PHACTR3: variants seen among roughly 807,000 people sequenced by gnomAD.
The protein encoded by PHACTR3 is phosphatase and actin regulator 3.
Under a neutral mutation model 66.8 loss-of-function variants are expected in PHACTR3, and 16 were observed. The observed-to-expected ratio is 0.24, with a 90% CI of 0.16 to 0.36. PHACTR3 has a LOEUF of 0.36. PHACTR3 is among the 10% of genes least tolerant of loss of function. PHACTR3 has a pLI of 1.00. For synonymous variants in PHACTR3, 323 were observed against 292.1 expected, an observed-to-expected ratio of 1.11 and a Z score of -1.08; for missense variants, 647 against 719.9, an observed-to-expected ratio of 0.90 and a Z score of 1.16.
At chr20:59,808,758 C>A (rs1235800442) in intron 8 of PHACTR3, among the ~76,000 whole-genome samples, 1 of 152,198 alleles carries the variant, frequency 6.6e-6, no homozygotes, top group Non-Finnish European at 1.5e-5. Flanking sequence ...GCTTCTAGGG[C>A]TGCCGACACT....
At chr20:59,765,750 A>G (rs1484034943) in intron 4 of PHACTR3, among the ~76,000 whole-genome samples, 1 of 152,192 alleles carries the variant, frequency 6.6e-6, no homozygotes, top group Non-Finnish European at 1.5e-5. Flanking sequence ...TTTCAGCACC[A>G]TGGACAGCAC....
At chr20:59,801,098 G>C (rs184132917) in intron 7 of PHACTR3, among the ~76,000 whole-genome samples, 2 of 152,258 alleles carry the variant, frequency 1.3e-5, no homozygotes, top group African/African-American at 4.8e-5. Flanking sequence ...GCAGATCTTT[G>C]GATCTTCTTA....
intron 1 of PHACTR3, among the ~76,000 whole-genome samples, chr20:59,590,619 G>A (rs2033154704): frequency 6.6e-6 from 1 of 152,200 alleles, no homozygotes; most frequent in Non-Finnish European, 1.5e-5. Flanking sequence ...CCTGCTCCCT[G>A]GATCTGTGGC....
chr20:59,627,591 G>C (rs1305637264), intron 1 of PHACTR3, among the ~76,000 whole-genome samples: 1 of 152,150 alleles, frequency 6.6e-6, no homozygotes, highest in Non-Finnish European at 1.5e-5. Context: ...CAGATCCCCA[G>C]GTGGAAATTG....
At chr20:59,661,555 C>T (rs1403069997) in intron 1 of PHACTR3, among the ~76,000 whole-genome samples, 1 of 152,162 alleles carries the variant, frequency 6.6e-6, no homozygotes, top group Non-Finnish European at 1.5e-5. Flanking sequence ...GGACAGGACC[C>T]CCTTTTTAGG....
chr20:59,710,864 G>A (rs2146644697), intron 1 of PHACTR3, among the ~76,000 whole-genome samples: 1 of 152,044 alleles, frequency 6.6e-6, no homozygotes, highest in South Asian at 2.1e-4. Flanking sequence ...TCAAGGTCTG[G>A]TTCAAATGCT....
chr20:59,783,303 G>A (rs1332478417), intron 7 of PHACTR3, among the ~76,000 whole-genome samples: 1 of 152,190 alleles, frequency 6.6e-6, no homozygotes, highest in East Asian at 1.9e-4. Flanking sequence ...GGACGACCTG[G>A]TGGGCGTCTT....
intron 1 of PHACTR3, among the ~76,000 whole-genome samples, chr20:59,638,445 G>A (rs1008730645): frequency 2.0e-5 from 3 of 151,444 alleles, no homozygotes; most frequent in African/African-American, 7.3e-5. Flanking sequence ...TGGCTAAGTA[G>A]ATATATGAGT....
intron 10 of PHACTR3, 85 bp downstream of exon 10, chr20:59,840,515 G>A: frequency 6.4e-7 from 1 of 1,569,822 alleles, no homozygotes; most frequent in African/African-American, 1.4e-5. Context: ...GGTAATGCTA[G>A]GTATCACTCT....
chr20:59,819,689 C>G (rs2041979295), intron 8 of PHACTR3, among the ~76,000 whole-genome samples: 1 of 151,916 alleles, frequency 6.6e-6, no homozygotes, highest in African/African-American at 2.4e-5. Flanking sequence ...AACTGAGGCA[C>G]CTGGTTGGGC....
chr20:59,755,344 C>G lies in PHACTR3; in HGVS notation c.521C>G (p.Ala174Gly). The G allele has an allele frequency of 6.2e-7, 1 of 1,613,644 alleles. No homozygotes were observed. Among genetic ancestry groups the G allele is most frequent in the South Asian group, 1.1e-5 (1 of 91,078 alleles). Residue 174 changes from alanine (A) to glycine (G), a missense_variant, in exon 4 of 13, where the codon GCT becomes GGT. Around this residue, in one of 2 missense-constraint regions of PHACTR3, gnomAD observed 577 missense variants for 571.1 expected, o/e 1.01. Transcript: ENST00000371015. ...QVSLDKPLSS[A>G]AHLDDAAKMP... is the part of the protein sequence containing the mutation. ...TCCCTGGACAAGCCACTGTCCTCAG[C>G]TGCCCACTTGGACGATGCAGGTACT...
At chr20:59,673,063 C>T (rs1381196017) in intron 1 of PHACTR3, among the ~76,000 whole-genome samples, 2 of 152,146 alleles carry the variant, frequency 1.3e-5, no homozygotes, top group African/African-American at 4.8e-5. Flanking sequence ...GAGGGTACCT[C>T]ATCTCCCTCA....
intron 1 of PHACTR3, among the ~76,000 whole-genome samples, chr20:59,656,942 C>T (rs1402451229): frequency 2.6e-5 from 4 of 151,816 alleles, no homozygotes; most frequent in South Asian, 4.2e-4. Context: ...CTCATTTTTG[C>T]GCTATAATTT....
chr20:59,651,783 A>G (rs1255698337), intron 1 of PHACTR3, among the ~76,000 whole-genome samples: 2 of 152,200 alleles, frequency 1.3e-5, no homozygotes, highest in African/African-American at 4.8e-5. Context: ...CATAGTATTC[A>G]TTAGTCAGAG....
chr20:59,692,508 A>G (rs1035309906), intron 1 of PHACTR3, among the ~76,000 whole-genome samples: 2 of 152,218 alleles, frequency 1.3e-5, no homozygotes, highest in Non-Finnish European at 2.9e-5. Context: ...ATGATGATGG[A>G]TGCTTCTAGT....
At chr20:59,662,720 C>T (rs968499975) in intron 1 of PHACTR3, among the ~76,000 whole-genome samples, 7 of 151,944 alleles carry the variant, frequency 4.6e-5, no homozygotes, top group East Asian at 1.9e-4. Context: ...GTACAGGGCA[C>T]GGTGGCCGTT....
At chr20:59,768,072 G>A (rs1256913181) in intron 5 of PHACTR3, among the ~76,000 whole-genome samples, 1 of 152,232 alleles carries the variant, frequency 6.6e-6, no homozygotes, top group African/African-American at 2.4e-5. Flanking sequence ...TTGGTGGTCA[G>A]ATAGGGGTGC....
intron 8 of PHACTR3, among the ~76,000 whole-genome samples, chr20:59,814,880 G>A (rs972856169): frequency 6.6e-6 from 1 of 152,088 alleles, no homozygotes; most frequent in Non-Finnish European, 1.5e-5. Flanking sequence ...GTTGGGCCTT[G>A]CTGAATAATT....
At chr20:59,697,169 G>A (rs931341380) in intron 1 of PHACTR3, among the ~76,000 whole-genome samples, 2 of 152,152 alleles carry the variant, frequency 1.3e-5, no homozygotes, top group African/African-American at 4.8e-5. Context: ...GGCTCAGAAG[G>A]TGGAAATAAA....
Sources: allele counts gnomAD v4.1 joint callset (sites outside exome capture counted in the v4.1 genomes callset), GRCh38; gene constraint gnomAD v4.1.1; regional missense constraint gnomAD v4.1.1; transcripts MANE v1.5; gene names NCBI Gene and HGNC (gene_info 2026-07-23, HGNC 2026-07-21).